Variants in JPH2 observed in about 807,000 individuals in gnomAD.
JPH2 encodes junctophilin 2.
JPH2 carries 38 observed loss-of-function variants against 55.9 expected under a neutral mutation model. The observed-to-expected ratio is 0.68, with a 90% CI of 0.52 to 0.89. JPH2 has a LOEUF of 0.89. Among genes scored for constraint, JPH2 ranks in the 40% least tolerant of loss-of-function variants. The probability of loss-of-function intolerance (pLI) is 0.00; values close to 1 mark genes in which losing one functional copy is unlikely to be tolerated. For missense variants in JPH2, 964 were observed against 1,037.6 expected (o/e 0.93, Z 0.97); for synonymous variants, 480 against 472.4 (o/e 1.02, Z -0.21).
chr20:44,160,519 C>T lies in JPH2; in HGVS notation c.380-112G>A. ...GGCAAGGCGGGGTGGGACCGAGAGG[C>T]GCAAGGCCGTCTGAGGGTCAGGGTG... On this transcript the variant is annotated intron_variant, in intron 1 of 5. Transcript: ENST00000372980. The surrounding 1 kb of genome is among the most constrained non-coding windows in gnomAD (Gnocchi z 4.9). 2.7e-6 allele frequency: 3 copies of T among 1,101,086 alleles called. No individual in the cohort carries two copies. Among genetic ancestry groups the T allele is most frequent in the East Asian group, 2.5e-5 (1 of 39,218 alleles). 68.2% of individuals were successfully genotyped at this position (1,101,086 alleles called of 1,614,324 possible).
At chr20:44,163,109 C>T (rs983855257) in intron 1 of JPH2, among the ~76,000 whole-genome samples, 12 of 151,986 alleles carry the variant, frequency 7.9e-5, no homozygotes, top group Non-Finnish European at 1.6e-4. Context: ...TGCTTTTCTC[C>T]CTCTGCTAAA....
chr20:44,119,983 C>T (rs1235243132), intron 2 of JPH2, among the ~76,000 whole-genome samples: 3 of 152,080 alleles, frequency 2.0e-5, no homozygotes, highest in African/African-American at 7.2e-5. Context: ...GAAGGAACTC[C>T]AGCTGCAGCA....
intron 1 of JPH2, among the ~76,000 whole-genome samples, chr20:44,176,189 C>T (rs926084196): frequency 6.6e-6 from 1 of 152,204 alleles, no homozygotes; most frequent in African/African-American, 2.4e-5. Flanking sequence ...TCTCACCAGT[C>T]ATAATGTAAT....
intron 1 of JPH2, among the ~76,000 whole-genome samples, chr20:44,166,330 G>C (rs962841668): frequency 6.6e-6 from 1 of 152,236 alleles, no homozygotes; most frequent in Non-Finnish European, 1.5e-5. Flanking sequence ...GTCTGGCTAT[G>C]CTCCTCTACT....
rs888890381 is a variant in JPH2 at position 44,141,945 on chromosome 20, A to T, written c.1169+17673T>A. ...TTTAGCAAATCCAAAAGGCAAATCT[A>T]TCAAAAGCTGGGCTGGACCATCTCA... On this transcript the variant is annotated intron_variant, in intron 2 of 5. Transcript: ENST00000372980. 2.0e-5 allele frequency among the ~76,000 whole-genome samples: 3 copies of T among 152,310 alleles called. No individual in the cohort carries two copies. The East Asian group carries it at 5.8e-4, about 29-fold the overall frequency.
Position 44,109,478 on chromosome 20 carries a change from C to G in JPH2, c.*4040G>C, listed in dbSNP as rs1277261798. On this transcript the variant is annotated 3_prime_UTR_variant, in exon 6 of 6. Coordinates refer to ENST00000372980, the MANE Select transcript of JPH2 (RefSeq NM_020433.5). ...ACCAGCAACCATGTTCTGAACCACA[C>G]AGCTGTTCTGCCACCACATACAGGA... Among the ~76,000 whole-genome samples, 1 of 152,194 alleles carries G rather than the reference C, an allele frequency of 6.6e-6. No individual in the cohort carries two copies. The highest frequency in any genetic ancestry group is 1.5e-5 in the Non-Finnish European group (1 of 68,030).
Position 44,160,200 on chromosome 20 carries a change from G to C in JPH2, c.587C>G (p.Pro196Arg). ...GAGGCTGAGCGCGAAGCCGCCACGC[G>C]GGATGGCGGGCGAGGGCAGCGCGGG... ...DGPALPSPAI[P>R]RGGFALSLLA... The change falls in exon 2 of 6, where the codon CCG (proline) becomes CGG (arginine). Residue 196 changes from proline (P) to arginine (R), a missense_variant. Pro to Arg is a moderately radical substitution (Grantham distance 103). Transcript: ENST00000372980. The surrounding 1 kb of genome is among the most constrained non-coding windows in gnomAD (Gnocchi z 4.9). 7.1e-7 allele frequency: 1 copy of C among 1,404,902 alleles called. No individual in the cohort carries two copies. The highest frequency in any genetic ancestry group is 9.2e-7 in the Non-Finnish European group (1 of 1,089,448). 87.0% of individuals were successfully genotyped at this position (1,404,902 alleles called of 1,614,324 possible).
In JPH2 at chr20:44,160,034, G is replaced by T. The variant is rs749739988; in HGVS notation, c.753C>A (p.Ser251Arg). ...CGTCGCTGGCGCCCGAGCTGAGGTC[G>T]CTCTTAAGGAAGCTGACACGGCTGC... ...SQRSRVSFLK[S>R]DLSSGASDAA... Residue 251 changes from serine to arginine, a missense_variant, in exon 2 of 6, where the codon AGC becomes AGA. Ser to Arg is a moderately radical substitution (Grantham distance 110). Transcript: ENST00000372980. The surrounding 1 kb of genome is among the most constrained non-coding windows in gnomAD (Gnocchi z 4.9). 6.4e-7 allele frequency: 1 copy of T among 1,559,574 alleles called. No homozygotes were observed. Among genetic ancestry groups the T allele is most frequent in the South Asian group, 1.2e-5 (1 of 85,600 alleles).
chr20:44,181,486 C>G (rs1389551915), intron 1 of JPH2, among the ~76,000 whole-genome samples: 1 of 152,164 alleles, frequency 6.6e-6, no homozygotes, highest in Non-Finnish European at 1.5e-5. Context: ...AAATGCAGGT[C>G]GTGACCCACT....
chr20:44,160,937 G>A lies in JPH2; in HGVS notation c.380-530C>T, dbSNP rs1384662786. 1.3e-5 allele frequency among the ~76,000 whole-genome samples: 2 copies of A among 152,138 alleles called. No homozygotes were observed. Among genetic ancestry groups the A allele is most frequent in the African/African-American group, 2.4e-5 (1 of 41,412 alleles). On this transcript the variant is annotated intron_variant, in intron 1 of 5. Coordinates refer to ENST00000372980, the MANE Select transcript of JPH2 (RefSeq NM_020433.5). The surrounding 1 kb of genome is among the most constrained non-coding windows in gnomAD (Gnocchi z 4.9). ...CTCTCTACAAAAAAATTAGTCAGGCGTGGTGGCATGCACCTGTGGTCCCAG... is the reference window on the plus strand; with the variant it reads ...CTCTCTACAAAAAAATTAGTCAGGCATGGTGGCATGCACCTGTGGTCCCAG...
Position 44,186,276 on chromosome 20 carries a change from C to T in JPH2, c.379+51G>A, listed in dbSNP as rs201096623. The T allele has an allele frequency of 3.3e-4, 519 of 1,595,792 alleles. 1 individual carries two copies. The highest frequency in any genetic ancestry group is 1.6e-4 in the Non-Finnish European group (185 of 1,173,848). On this transcript the variant is annotated intron_variant, in intron 1 of 5. Coordinates refer to ENST00000372980, the MANE Select transcript of JPH2 (RefSeq NM_020433.5). ...CCTTTCCCACCCTCCACCAGGGTTT[C>T]TCACCCTCCCTGGCTCCACCCCACC...
intron 2 of JPH2, among the ~76,000 whole-genome samples, chr20:44,144,375 C>G (rs947928590): frequency 2.0e-5 from 3 of 152,250 alleles, no homozygotes; most frequent in Non-Finnish European, 2.9e-5. Context: ...CCAAATGCCA[C>G]GGCCACATGA....
At chr20:44,180,317 T>G (rs6093943) in intron 1 of JPH2, among the ~76,000 whole-genome samples, 2 of 151,898 alleles carry the variant, frequency 1.3e-5, no homozygotes, top group South Asian at 4.1e-4. Context: ...ATTAACTATC[T>G]TTATTATTAT....
chr20:44,126,297 T>A (rs950514536), intron 2 of JPH2, among the ~76,000 whole-genome samples: 1 of 152,052 alleles, frequency 6.6e-6, no homozygotes, highest in African/African-American at 2.4e-5. Flanking sequence ...TTTAGTATAA[T>A]AATAATTTTA....
chr20:44,184,700 CCT>C (rs2072817173), intron 1 of JPH2, among the ~76,000 whole-genome samples: 2 of 152,156 alleles, frequency 1.3e-5, no homozygotes, highest in Non-Finnish European at 2.9e-5. Context: ...ACAGAAAACT[CCT>C]CTCTGATTCT....
chr20:44,164,666 C>A (rs1331577932), intron 1 of JPH2, among the ~76,000 whole-genome samples: 1 of 146,124 alleles, frequency 6.8e-6, no homozygotes, highest in Non-Finnish European at 1.5e-5. Flanking sequence ...ACATGAAAGC[C>A]TCAAAAAACA....
chr20:44,138,009 CTTT>C (rs556691395), intron 2 of JPH2, among the ~76,000 whole-genome samples: 8 of 140,736 alleles, frequency 5.7e-5, no homozygotes, highest in Non-Finnish European at 7.8e-5. Flanking sequence ...TTAAAAAGAC[CTTT>C]TTTTTTTTTT....
intron 2 of JPH2, among the ~76,000 whole-genome samples, chr20:44,123,670 G>A (rs1005501233): frequency 6.6e-5 from 10 of 152,308 alleles, no homozygotes; most frequent in Non-Finnish European, 1.5e-4. Context: ...AATGCAGTCC[G>A]TGACCCCCAC....
At chr20:44,145,370 C>T (rs1428744181) in intron 2 of JPH2, among the ~76,000 whole-genome samples, 1 of 152,068 alleles carries the variant, frequency 6.6e-6, no homozygotes, top group Non-Finnish European at 1.5e-5. Flanking sequence ...TTTGGGAGGC[C>T]GAGGTGGGCG....
Sources: allele counts gnomAD v4.1 joint callset (sites outside exome capture counted in the v4.1 genomes callset), GRCh38; gene constraint gnomAD v4.1.1; non-coding constraint Gnocchi (gnomAD v3.1); transcripts MANE v1.5; gene names NCBI Gene and HGNC (gene_info 2026-07-23, HGNC 2026-07-21).